F11R: variants seen among roughly 807,000 people sequenced by gnomAD.
F11R encodes the protein junctional adhesion molecule A.
A neutral mutation model predicts 39.3 loss-of-function variants in F11R; 27 were observed. That is an observed-to-expected ratio of 0.69 (90% CI 0.51 to 0.95). The LOEUF is 0.95. F11R is among the 40% of genes least tolerant of loss of function. The pLI is 0.00. For missense variants in F11R, 335 were observed against 372.7 expected (o/e 0.90, Z 0.83); for synonymous variants, 131 against 144.9 (o/e 0.90, Z 0.69).
chr1:161,000,305 GGT>G lies in F11R; in HGVS notation c.430_431del (p.Thr144HisfsTer19), dbSNP rs1211866709. Reference sequence around the variant, plus strand: ...ATGTCAGCACTGCCCGGTTCCCAATGGTGGCAGAGGAGGGGATGTTAACTGTA... The same window carrying G: ...ATGTCAGCACTGCCCGGTTCCCAATGGGCAGAGGAGGGGATGTTAACTGTA... ...KPTVNIPSSA[T>X]IGNRAVLTCS... On this transcript the variant is annotated frameshift_variant, in exon 5 of 10. Coordinates refer to ENST00000368026, the MANE Select transcript of F11R (RefSeq NM_016946.6). LOFTEE classifies it high-confidence loss of function. 3 of 1,614,116 alleles carry G rather than the reference GGT, an allele frequency of 1.9e-6. No homozygotes were observed. The highest frequency in any genetic ancestry group is 2.5e-6 in the Non-Finnish European group (3 of 1,180,032).
chr1:161,004,196 T>C (rs1039676914), intron 1 of F11R, among the ~76,000 whole-genome samples: 4 of 152,108 alleles, frequency 2.6e-5, no homozygotes, highest in Non-Finnish European at 5.9e-5. Flanking sequence ...TTCTCCTGCC[T>C]TGGCCTCCCA....
rs774421607 is a variant in F11R at position 161,001,245 on chromosome 1, C to G, written c.133+40G>C. ...CTCTAGATCCCCAGGCGGCCGGCAACTGCTCACCCTCACACCCTCCATGGC... is the reference window on the plus strand; with the variant it reads ...CTCTAGATCCCCAGGCGGCCGGCAAGTGCTCACCCTCACACCCTCCATGGC... On this transcript the variant is annotated intron_variant, in intron 2 of 9. Transcript: ENST00000368026. 3.1e-6 allele frequency: 5 copies of G among 1,609,810 alleles called. No homozygotes were observed. The Admixed American group carries it at 6.7e-5, about 21-fold the overall frequency.
chr1:161,011,014 T>G (rs1474494768), intron 1 of F11R, among the ~76,000 whole-genome samples: 1 of 149,552 alleles, frequency 6.7e-6, no homozygotes, highest in Non-Finnish European at 1.5e-5. Context: ...ACAAGAACAA[T>G]TTAACGTTAT....
At chr1:161,010,548 A>G (rs961352721) in intron 1 of F11R, among the ~76,000 whole-genome samples, 1 of 151,960 alleles carries the variant, frequency 6.6e-6, no homozygotes, top group Admixed American at 6.6e-5. Context: ...TGCTATATGT[A>G]GCTTTATTGG....
intron 1 of F11R, among the ~76,000 whole-genome samples, chr1:161,008,043 A>G (rs1454258838): frequency 6.6e-6 from 1 of 152,180 alleles, no homozygotes; most frequent in Non-Finnish European, 1.5e-5. Context: ...ACACACATGC[A>G]AATGTCCTAC....
Position 161,000,676 on chromosome 1 carries a change from C to T in F11R, c.343G>A (p.Gly115Ser). ...GTYTCMVSEE[G>S]GNSYGEVKVK... ...TTGACCTCCCCATAGCTGTTGCCGC[C>T]TTCCTCAGAGACCATACAAGTGTAT... The change falls in exon 4 of 10, where the codon GGC becomes AGC. Residue 115 changes from glycine to serine, a missense_variant. Gly to Ser is a moderately conservative substitution (Grantham distance 56, BLOSUM62 0). Transcript: ENST00000368026. The T allele has an allele frequency of 6.2e-7, 1 of 1,614,194 alleles. No homozygotes were observed. The highest frequency in any genetic ancestry group is 8.5e-7 in the Non-Finnish European group (1 of 1,180,034).
chr1:161,011,862 C>T (rs992688774), intron 1 of F11R, among the ~76,000 whole-genome samples: 21 of 152,100 alleles, frequency 1.4e-4, no homozygotes, highest in Non-Finnish European at 2.4e-4. Flanking sequence ...TTTATTTTCT[C>T]CATAGTCCTT....
intron 1 of F11R, among the ~76,000 whole-genome samples, chr1:161,005,663 G>A (rs1269441028): frequency 2.0e-5 from 3 of 151,610 alleles, no homozygotes; most frequent in Non-Finnish European, 2.9e-5. Context: ...CTGAGCTACC[G>A]CACCTGGCCT....
chr1:161,020,941 GC>G, intron 1 of F11R, 68 bp downstream of exon 1: 2 of 1,393,372 alleles, frequency 1.4e-6, no homozygotes, highest in Non-Finnish European at 2.0e-6. Context: ...CGGGCTAGGG[GC>G]GTGGGGAGAG....
intron 1 of F11R, among the ~76,000 whole-genome samples, chr1:161,002,924 C>T (rs1301013825): frequency 2.5e-5 from 1 of 40,400 alleles, no homozygotes; most frequent in Non-Finnish European, 4.6e-5. Flanking sequence ...ACTCCTATAT[C>T]CTTTTTCTCT....
At chr1:161,012,853 G>T (rs1649248832) in intron 1 of F11R, among the ~76,000 whole-genome samples, 2 of 152,020 alleles carry the variant, frequency 1.3e-5, no homozygotes, top group South Asian at 4.1e-4. Context: ...TTGAACTCCT[G>T]ACCTCAGGTG....
intron 1 of F11R, among the ~76,000 whole-genome samples, chr1:161,010,429 G>A (rs113043494): frequency 0.041 from 2,363 of 58,102 alleles, 25 homozygotes; most frequent in Non-Finnish European, 0.049. Context: ...GGGTGACAGA[G>A]CGAGACTCCA....
intron 1 of F11R, among the ~76,000 whole-genome samples, chr1:161,010,615 CTT>C (rs1649097826): frequency 6.6e-6 from 1 of 152,110 alleles, no homozygotes; most frequent in East Asian, 1.9e-4. Context: ...CTATTGATCT[CTT>C]ATACCTTTCC....
chr1:160,999,202 A>G, intron 8 of F11R, 111 bp from the exon 9 acceptor site: 2 of 1,477,564 alleles, frequency 1.4e-6, no homozygotes, highest in Non-Finnish European at 1.8e-6. Flanking sequence ...CAGAGTGCGC[A>G]GCAGACAGGT....
chr1:161,021,093 C>T lies in F11R; in HGVS notation c.-20G>A, dbSNP rs1435178720. The stretch of plus-strand genomic sequence containing the variant: ...CCCCATCGCGATCAGGCTCCCGACA[C>T]AACAGCCGCCGAAGGACTCCTGGGA... On this transcript the variant is annotated 5_prime_UTR_variant, in exon 1 of 10. In the 5' UTR this introduces an upstream ATG that the reference lacks. Transcript: ENST00000368026. The T allele has an allele frequency of 2.5e-6, 4 of 1,608,890 alleles. No individual in the cohort carries two copies. Among genetic ancestry groups the T allele is most frequent in the Non-Finnish European group, 3.4e-6 (4 of 1,176,032 alleles).
At chr1:161,016,859 G>C (rs1649491015) in intron 1 of F11R, among the ~76,000 whole-genome samples, 1 of 152,206 alleles carries the variant, frequency 6.6e-6, no homozygotes, top group South Asian at 2.1e-4. Flanking sequence ...AGAGAGATCA[G>C]ATTGTTACTG....
At chr1:161,006,821 C>G (rs1648843541) in intron 1 of F11R, among the ~76,000 whole-genome samples, 1 of 152,198 alleles carries the variant, frequency 6.6e-6, no homozygotes, top group African/African-American at 2.4e-5. Context: ...GGTCCACATT[C>G]CCCTTCTCAT....
In F11R at chr1:160,997,535, AAGCTCT is replaced by A. The variant is rs1219971270; in HGVS notation, c.*1330_*1335del. The A allele has an allele frequency of 6.5e-6, 1 of 152,712 alleles. No homozygotes were observed. Among genetic ancestry groups the A allele is most frequent in the Admixed American group, 6.5e-5 (1 of 15,278 alleles). The allele number at this position is 152,712 out of a possible 1,614,324, so 9.5% of individuals were successfully genotyped here. A position where few individuals can be genotyped will look rare whatever the true frequency, so the allele number is the denominator to read the frequency against. On this transcript the variant is annotated 3_prime_UTR_variant, in exon 10 of 10. Transcript: ENST00000368026. ...TCTGGAATGAAGGCCTGAAATTCAG[AAGCTCT>A]GCCTTGAGATAAGAACCAGGAAGGG... is the stretch of plus-strand genomic sequence containing the variant.
chr1:161,016,668 A>G (rs1649482286), intron 1 of F11R, among the ~76,000 whole-genome samples: 1 of 152,060 alleles, frequency 6.6e-6, no homozygotes, highest in African/African-American at 2.4e-5. Flanking sequence ...AAAAAAAAAA[A>G]AGTGATCTGG....
Sources: gnomAD v4.1 joint callset for allele counts (sites outside exome capture counted in the v4.1 genomes callset) on GRCh38, gnomAD v4.1.1 for gene constraint, MANE v1.5 for transcripts, NCBI Gene and HGNC (gene_info 2026-07-23, HGNC 2026-07-21) for gene names.